Variants in IGSF21 observed in about 807,000 individuals in gnomAD.
IGSF21 encodes the protein immunoglobin superfamily member 21.
IGSF21 carries 28 observed loss-of-function variants against 46.8 expected under a neutral mutation model. The ratio of observed to expected loss-of-function variants is 0.60; its 90% confidence interval spans 0.44 to 0.82. The LOEUF is 0.82. Ranked by LOEUF, IGSF21 falls within the 40% of genes least tolerant of loss-of-function variation. The probability of loss-of-function intolerance (pLI) is 0.00; values close to 1 mark genes in which losing one functional copy is unlikely to be tolerated. For missense variants in IGSF21, 624 were observed against 665.5 expected (o/e 0.94, Z 0.69); for synonymous variants, 284 against 273.6 (o/e 1.04, Z -0.38).
chr1:18,194,084 A>G (rs1218002615), intron 1 of IGSF21, among the ~76,000 whole-genome samples: 2 of 152,120 alleles, frequency 1.3e-5, no homozygotes, highest in African/African-American at 2.4e-5. Context: ...TGAATGAGTG[A>G]ATTTAGGATA....
intron 1 of IGSF21, among the ~76,000 whole-genome samples, chr1:18,140,457 C>A (rs1295861076): frequency 6.6e-6 from 1 of 152,174 alleles, no homozygotes; most frequent in East Asian, 1.9e-4. Flanking sequence ...CCAAACCAAG[C>A]CTCAATGTGC....
At chr1:18,331,930 C>A (rs886601284) in intron 3 of IGSF21, among the ~76,000 whole-genome samples, 2 of 152,130 alleles carry the variant, frequency 1.3e-5, no homozygotes, top group African/African-American at 2.4e-5. Flanking sequence ...GAGGACAGGT[C>A]TGGACATTCA....
intron 3 of IGSF21, among the ~76,000 whole-genome samples, chr1:18,331,290 T>C (rs984136768): frequency 5.3e-5 from 8 of 152,116 alleles, no homozygotes; most frequent in African/African-American, 1.9e-4. Context: ...TCCCAAAGTT[T>C]ATTGTATCAT....
intron 4 of IGSF21, among the ~76,000 whole-genome samples, chr1:18,358,880 AC>A (rs1242061238): frequency 6.6e-6 from 1 of 152,016 alleles, no homozygotes; most frequent in Non-Finnish European, 1.5e-5. Context: ...GTCCTGTACT[AC>A]CTCCCTTATT....
At chr1:18,310,555 T>C (rs1218400063) in intron 3 of IGSF21, among the ~76,000 whole-genome samples, 2 of 152,224 alleles carry the variant, frequency 1.3e-5, no homozygotes, top group African/African-American at 4.8e-5. Flanking sequence ...TAAAGCTGCT[T>C]TGAATGTAAG....
rs910315075 is a variant in IGSF21 at position 18,157,577 on chromosome 1, G to A, written c.70+49379G>A. Among the ~76,000 whole-genome samples, 11 of 152,284 alleles carry A rather than the reference G, an allele frequency of 7.2e-5. No individual in the cohort carries two copies. The South Asian group carries it at 2.1e-3, about 29-fold the overall frequency. ...CCATCGTCCTGTTCTCAACGTGTCC[G>A]CTCTGACTTTCTGCCTCCCAGCCCG... is the stretch of plus-strand genomic sequence containing the variant. On this transcript the variant is annotated intron_variant, in intron 1 of 9. Coordinates refer to ENST00000251296, the MANE Select transcript of IGSF21 (RefSeq NM_032880.5).
Position 18,199,670 on chromosome 1 carries a change from C to T in IGSF21, c.71-28228C>T, listed in dbSNP as rs2087048135. ...AGCCCAGAGTGAGCAGGTGGCAGCC[C>T]CCCTCCCCCTTCCCTGGTCTCCCTC... On this transcript the variant is annotated intron_variant, in intron 1 of 9. Transcript: ENST00000251296. 2.0e-5 allele frequency among the ~76,000 whole-genome samples: 3 copies of T among 152,120 alleles called. No homozygotes were observed. The South Asian group carries it at 6.2e-4, about 31-fold the overall frequency.
intron 1 of IGSF21, among the ~76,000 whole-genome samples, chr1:18,192,839 G>C (rs1001243970): frequency 9.9e-5 from 15 of 152,214 alleles, no homozygotes; most frequent in African/African-American, 3.4e-4. Context: ...GAAAATAAAC[G>C]TGAATATCCT....
At chr1:18,185,005 G>A (rs971500041) in intron 1 of IGSF21, among the ~76,000 whole-genome samples, 16 of 152,210 alleles carry the variant, frequency 1.1e-4, no homozygotes, top group Admixed American at 9.2e-4. Context: ...ACAAGGGACA[G>A]CTTCAAGTAG....
intron 3 of IGSF21, among the ~76,000 whole-genome samples, chr1:18,310,279 A>G (rs2085476629): frequency 1.3e-5 from 2 of 152,174 alleles, no homozygotes; most frequent in South Asian, 4.2e-4. Flanking sequence ...GTCAAGATAA[A>G]CATTCTCAGC....
chr1:18,209,891 G>A (rs1334020864), intron 1 of IGSF21, among the ~76,000 whole-genome samples: 1 of 151,982 alleles, frequency 6.6e-6, no homozygotes, highest in Non-Finnish European at 1.5e-5. Context: ...TGAGGCCCCA[G>A]GCCTTTCTGT....
chr1:18,245,151 A>AT (rs1293509961), intron 2 of IGSF21, among the ~76,000 whole-genome samples: 1 of 152,222 alleles, frequency 6.6e-6, no homozygotes, highest in African/African-American at 2.4e-5. Context: ...TGCATTTATA[A>AT]TTTTAACATT....
At chr1:18,209,542 C>T (rs1295646681) in intron 1 of IGSF21, among the ~76,000 whole-genome samples, 2 of 151,876 alleles carry the variant, frequency 1.3e-5, no homozygotes, top group Non-Finnish European at 2.9e-5. Flanking sequence ...GCAACCTCTG[C>T]CTGCTGGGTT....
chr1:18,334,906 G>A lies in IGSF21; in HGVS notation c.320G>A (p.Arg107Gln), dbSNP rs139350650. The A allele has an allele frequency of 4.0e-5, 65 of 1,613,812 alleles. No individual in the cohort carries two copies. Among genetic ancestry groups the A allele is most frequent in the African/African-American group, 2.8e-4 (21 of 74,922 alleles). The change falls in exon 4 of 10, where the codon CGG (arginine) becomes CAG (glutamine). Residue 107 changes from arginine (R) to glutamine (Q), a missense_variant. By Grantham distance (43) the Arg-to-Gln change is conservative. Coordinates refer to ENST00000251296, the MANE Select transcript of IGSF21 (RefSeq NM_032880.5). This position sits in a 1 kb window ranked among gnomAD's most constrained non-coding sequence, Gnocchi z 4.3. ...GCCTCCCCCAGGCTGCCCGAGGTCC[G>A]GATCTCAGACAATGGTCCCTATGAG... ...YQSTVRLPEV[R>Q]ISDNGPYECH...
chr1:18,328,328 C>G (rs2085677872), intron 3 of IGSF21, among the ~76,000 whole-genome samples: 1 of 152,168 alleles, frequency 6.6e-6, no homozygotes, highest in African/African-American at 2.4e-5. Context: ...ACACAAAGCC[C>G]ATTTTGTAAT....
At chr1:18,169,057 A>G (rs2086709150) in intron 1 of IGSF21, among the ~76,000 whole-genome samples, 1 of 152,214 alleles carries the variant, frequency 6.6e-6, no homozygotes, top group South Asian at 2.1e-4. Context: ...CTGCGTGGCT[A>G]TGCTCACCTA....
chr1:18,240,343 A>G (rs2084714520), intron 2 of IGSF21, among the ~76,000 whole-genome samples: 1 of 152,230 alleles, frequency 6.6e-6, no homozygotes, highest in South Asian at 2.1e-4. Flanking sequence ...TCTTTTGTGG[A>G]GCTTGTAGTT....
At chr1:18,374,440 C>T (rs1397326382) in intron 6 of IGSF21, among the ~76,000 whole-genome samples, 3 of 152,150 alleles carry the variant, frequency 2.0e-5, no homozygotes, top group Non-Finnish European at 4.4e-5. Context: ...TCCCATGGTG[C>T]ACTTGGGAAT....
intron 1 of IGSF21, among the ~76,000 whole-genome samples, chr1:18,191,581 G>A (rs908559434): frequency 1.3e-5 from 2 of 152,126 alleles, no homozygotes; most frequent in East Asian, 3.9e-4. Flanking sequence ...TACACGGGGT[G>A]TGTATCCCCT....
Sources: gnomAD v4.1 joint callset for allele counts (sites outside exome capture counted in the v4.1 genomes callset) on GRCh38, gnomAD v4.1.1 for gene constraint, Gnocchi (gnomAD v3.1) non-coding constraint, MANE v1.5 for transcripts, NCBI Gene and HGNC (gene_info 2026-07-23, HGNC 2026-07-21) for gene names.